The following LRIF1 variants were observed in gnomAD, a reference collection of about 807,000 sequenced individuals.
The protein encoded by LRIF1 is ligand dependent nuclear receptor interacting factor 1, also known as ligand-dependent nuclear receptor-interacting factor 1.
In LRIF1, 32 loss-of-function variants were observed where a neutral mutation model predicts 52.7. The observed-to-expected ratio is 0.61, with a 90% confidence interval of 0.46 to 0.82. LRIF1 has a LOEUF of 0.82. LRIF1 is among the 40% of genes least tolerant of loss of function. The pLI is 0.00. For synonymous variants in LRIF1, 323 were observed against 317.4 expected (o/e 1.02, Z -0.19); for missense variants, 887 against 892.0 (o/e 0.99, Z 0.07).
chr1:110,910,873 T>C, the LRIF1 span, among the ~76,000 whole-genome samples: 4 of 152,198 alleles, frequency 2.6e-5, no homozygotes, highest in Non-Finnish European at 1.5e-5. Flanking sequence ...AGAAATTTTA[T>C]AGTGTTAAAT....
the LRIF1 span, among the ~76,000 whole-genome samples, chr1:110,934,761 A>G: frequency 2.6e-5 from 4 of 152,192 alleles, no homozygotes; most frequent in South Asian, 2.1e-4. Context: ...GCAGGGCCTG[A>G]GGGAACTTTC....
the LRIF1 span, among the ~76,000 whole-genome samples, chr1:110,903,247 A>T: frequency 6.6e-6 from 1 of 152,200 alleles, no homozygotes; most frequent in Non-Finnish European, 1.5e-5. Context: ...AGGCCCAGAG[A>T]CAGTGGACTG....
the LRIF1 span, among the ~76,000 whole-genome samples, chr1:110,922,908 C>G: frequency 1.3e-5 from 2 of 152,192 alleles, no homozygotes; most frequent in East Asian, 3.8e-4. Flanking sequence ...CTGCTTCCAT[C>G]GTAACATTGC....
the LRIF1 span, among the ~76,000 whole-genome samples, chr1:110,894,640 T>A: frequency 6.6e-6 from 1 of 152,222 alleles, no homozygotes; most frequent in Non-Finnish European, 1.5e-5. Flanking sequence ...CTTCCTCTAC[T>A]TGCTTTCCTC....
the LRIF1 span, among the ~76,000 whole-genome samples, chr1:110,888,924 A>C: frequency 1.3e-5 from 2 of 152,186 alleles, no homozygotes; most frequent in South Asian, 4.1e-4. Flanking sequence ...TATGTCCTCC[A>C]CCATGAAATA....
chr1:110,885,673 G>A, the LRIF1 span, among the ~76,000 whole-genome samples: 1 of 151,946 alleles, frequency 6.6e-6, no homozygotes, highest in African/African-American at 2.4e-5. Flanking sequence ...GACCAGCCTG[G>A]CCAACATGGC....
At chr1:110,911,077 A>C in the LRIF1 span, among the ~76,000 whole-genome samples, 7 of 152,174 alleles carry the variant, frequency 4.6e-5, no homozygotes, top group Admixed American at 2.6e-4. Context: ...GGTCCACCAA[A>C]AGAATAAACA....
At chr1:110,892,523 T>C in the LRIF1 span, 2 of 1,613,600 alleles carry the variant, frequency 1.2e-6, no homozygotes, top group Non-Finnish European at 1.7e-6. Flanking sequence ...AACAAGTGTC[T>C]GCTTATGTCG....
At chr1:110,886,196 C>A in the LRIF1 span, among the ~76,000 whole-genome samples, 4 of 151,958 alleles carry the variant, frequency 2.6e-5, no homozygotes, top group Non-Finnish European at 5.9e-5. Flanking sequence ...TCCAGCTTGC[C>A]TGTTTTCCAA....
chr1:110,947,051 G>C (rs1272819352), downstream of LRIF1: 1 of 152,730 alleles, frequency 6.5e-6, no homozygotes, highest in Admixed American at 6.5e-5. Flanking sequence ...CTGGGCTCAA[G>C]CAGTCCTCCC....
At chr1:110,875,945 T>A in the LRIF1 span, among the ~76,000 whole-genome samples, 1 of 152,222 alleles carries the variant, frequency 6.6e-6, no homozygotes, top group Non-Finnish European at 1.5e-5. Context: ...ATCCATTTCA[T>A]AAGCACACAG....
the LRIF1 span, among the ~76,000 whole-genome samples, chr1:110,893,573 C>T: frequency 6.6e-6 from 1 of 152,216 alleles, no homozygotes; most frequent in South Asian, 2.1e-4. Context: ...CCACCTGCCT[C>T]GGCCTCCCAA....
chr1:110,878,878 C>T, the LRIF1 span, among the ~76,000 whole-genome samples: 696 of 152,232 alleles, frequency 4.6e-3, 4 homozygotes, highest in African/African-American at 0.016. Flanking sequence ...TTCTATTAAA[C>T]GCTTTTCTTC....
At chr1:110,924,500 A>C in the LRIF1 span, among the ~76,000 whole-genome samples, 1 of 152,328 alleles carries the variant, frequency 6.6e-6, no homozygotes, top group East Asian at 1.9e-4. Flanking sequence ...GGTGGCATGA[A>C]GAAGGGCCAA....
In LRIF1 at chr1:110,948,270, T is replaced by C. The variant is rs1182508760; in HGVS notation, c.1999A>G (p.Ser667Gly). ...EANVTGSQLL[S>G]SILPTSDVSQ... ...ACATCTGAAGTTGGTAAAATACTGC[T>C]TAGGAGTTGGGAACCGGTGACATTA... Residue 667 changes from serine to glycine, a missense_variant, in exon 4 of 4, where the codon AGC becomes GGC. Transcript: ENST00000369763. The C allele has an allele frequency of 6.2e-7, 1 of 1,614,154 alleles. No individual in the cohort carries two copies. Among genetic ancestry groups the C allele is most frequent in the Non-Finnish European group, 8.5e-7 (1 of 1,180,018 alleles).
the LRIF1 span, among the ~76,000 whole-genome samples, chr1:110,919,349 G>A: frequency 6.6e-6 from 1 of 152,100 alleles, no homozygotes; most frequent in Admixed American, 6.5e-5. Flanking sequence ...ACTCGAAAAG[G>A]TGTGACTGGC....
the LRIF1 span, among the ~76,000 whole-genome samples, chr1:110,917,566 AT>A: frequency 6.6e-6 from 1 of 152,028 alleles, no homozygotes; most frequent in Non-Finnish European, 1.5e-5. Context: ...TATGCCAGGA[AT>A]TTGGGTGCTT....
chr1:110,877,270 GTTAT>G, the LRIF1 span, among the ~76,000 whole-genome samples: 1 of 152,066 alleles, frequency 6.6e-6, no homozygotes, highest in African/African-American at 2.4e-5. Flanking sequence ...TTAGATTCAG[GTTAT>G]TTAAATTTTT....
the LRIF1 span, among the ~76,000 whole-genome samples, chr1:110,915,549 C>T: frequency 5.2e-3 from 787 of 151,500 alleles, 7 homozygotes; most frequent in African/African-American, 0.018. Flanking sequence ...TGTACAAAAC[C>T]GTATTATTTA....
Sources: allele counts gnomAD v4.1 joint callset (sites outside exome capture counted in the v4.1 genomes callset), GRCh38; gene constraint gnomAD v4.1.1; transcripts MANE v1.5; gene names NCBI Gene and HGNC (gene_info 2026-07-23, HGNC 2026-07-21).